The following FSD2 variants were observed in gnomAD, a reference collection of about 807,000 sequenced individuals.
FSD2 encodes the protein fibronectin type III and SPRY domain-containing protein 2.
FSD2 carries 71 observed loss-of-function variants against 80.4 expected under a neutral mutation model. The observed-to-expected ratio is 0.88, with a 90% CI of 0.73 to 1.08. The LOEUF (loss-of-function observed/expected upper bound fraction) is 1.08. Ranked by LOEUF, FSD2 falls within the 50% of genes least tolerant of loss-of-function variation. The pLI, the probability that FSD2 is intolerant of heterozygous loss-of-function variation, is 0.00. For synonymous variants in FSD2, 361 were observed against 329.5 expected, an observed-to-expected ratio of 1.10 and a Z score of -1.03; for missense variants, 923 against 913.8, an observed-to-expected ratio of 1.01 and a Z score of -0.13.
chr15:82,796,000 CTTTT>C (rs143711664), intron 1 of FSD2, among the ~76,000 whole-genome samples: 3 of 117,496 alleles, frequency 2.6e-5, no homozygotes, highest in Non-Finnish European at 5.1e-5. Flanking sequence ...TTTTTCTTTT[CTTTT>C]TTTTTTTTTT....
At chr15:82,771,624 T>C (rs2049574077) in intron 7 of FSD2, among the ~76,000 whole-genome samples, 1 of 152,240 alleles carries the variant, frequency 6.6e-6, no homozygotes, top group Non-Finnish European at 1.5e-5. Context: ...CCTTCCAGGC[T>C]GCAGAGGCCC....
chr15:82,801,689 T>C (rs1428512333), intron 1 of FSD2, among the ~76,000 whole-genome samples: 3 of 152,204 alleles, frequency 2.0e-5, no homozygotes, highest in African/African-American at 7.2e-5. Flanking sequence ...GAAACCTTAC[T>C]CCTGAGACTC....
At chr15:82,795,856 T>C (rs886724280) in intron 1 of FSD2, among the ~76,000 whole-genome samples, 2 of 150,278 alleles carry the variant, frequency 1.3e-5, no homozygotes, top group Non-Finnish European at 3.0e-5. Flanking sequence ...TATTAGATGA[T>C]AGGTGAGTTA....
intron 9 of FSD2, among the ~76,000 whole-genome samples, chr15:82,768,413 TTC>T (rs2049474015): frequency 6.6e-6 from 1 of 152,218 alleles, no homozygotes; most frequent in Non-Finnish European, 1.5e-5. Context: ...TCCACCACCA[TTC>T]TCTGTTTTAT....
At position 82,759,397 on chromosome 15, in the gene FSD2, A is replaced by G. The variant is rs1413193846; in HGVS notation, c.2201T>C (p.Leu734Pro). 1.2e-6 allele frequency: 2 copies of G among 1,613,768 alleles called. No homozygotes were observed. The highest frequency in any genetic ancestry group is 1.7e-6 in the Non-Finnish European group (2 of 1,179,786). ...PCFSLEKPGCLKVHNGISMPK... is the reference protein window; with the variant it reads ...PCFSLEKPGCPKVHNGISMPK... ...CATTGAAATGCCATTATGTACCTTT[A>G]GACACCCAGGCTTTTCCAAAGAAAA... The change falls in exon 13 of 13, where the codon CTA (leucine) becomes CCA (proline). Residue 734 changes from leucine to proline, a missense_variant. Leu to Pro is a moderately conservative substitution (Grantham distance 98, BLOSUM62 -3). Coordinates refer to ENST00000334574, the MANE Select transcript of FSD2 (RefSeq NM_001007122.4).
chr15:82,765,420 GCGT>G, intron 10 of FSD2, 122 bp from the exon 11 acceptor site: 8 of 1,270,088 alleles, frequency 6.3e-6, no homozygotes, highest in Non-Finnish European at 8.8e-6. Context: ...CTAGTAATAG[GCGT>G]CCAGTTAACA....
intron 6 of FSD2, among the ~76,000 whole-genome samples, chr15:82,773,715 A>T (rs2049643219): frequency 6.6e-6 from 1 of 152,170 alleles, no homozygotes. Context: ...AAGATCTATG[A>T]TTAAAGATTT....
intron 6 of FSD2, among the ~76,000 whole-genome samples, chr15:82,777,114 T>A (rs1288532771): frequency 6.6e-6 from 1 of 152,192 alleles, no homozygotes; most frequent in East Asian, 1.9e-4. Flanking sequence ...TGAAACTGTA[T>A]AACTTCTTAA....
chr15:82,781,765 T>G (rs1428680253), intron 4 of FSD2, among the ~76,000 whole-genome samples: 1 of 151,982 alleles, frequency 6.6e-6, no homozygotes, highest in African/African-American at 2.4e-5. Flanking sequence ...TGGAAAACTC[T>G]TAGAGCACTC....
In FSD2 at chr15:82,799,285, A is replaced by C. The variant is rs116021739; in HGVS notation, c.-79+6681T>G. On this transcript the variant is annotated intron_variant, in intron 1 of 12. Transcript: ENST00000334574. ...TGACTGCTCCATGCCATTCAATCCT[A>C]TTGACCCTTCTGTGTCCCCCGGCTC... 3.9e-5 allele frequency among the ~76,000 whole-genome samples: 6 copies of C among 152,116 alleles called. No individual in the cohort carries two copies. In the East Asian group the frequency reaches 1.2e-3, roughly 29 times the overall value.
chr15:82,774,491 A>G (rs572713222), intron 6 of FSD2, among the ~76,000 whole-genome samples: 1 of 152,324 alleles, frequency 6.6e-6, no homozygotes, highest in Non-Finnish European at 1.5e-5. Context: ...TTACAGATGA[A>G]GAAACCAAGA....
intron 4 of FSD2, among the ~76,000 whole-genome samples, chr15:82,781,623 T>G (rs987648355): frequency 3.9e-5 from 6 of 152,102 alleles, no homozygotes; most frequent in African/African-American, 1.4e-4. Context: ...AATTAGGAAA[T>G]GGATTTTTTT....
chr15:82,764,454 C>T (rs938354632), intron 11 of FSD2, among the ~76,000 whole-genome samples: 2 of 142,972 alleles, frequency 1.4e-5, no homozygotes, highest in Non-Finnish European at 3.0e-5. Context: ...CTTTCGTTTT[C>T]AATAAATCTC....
Position 82,765,200 on chromosome 15 carries a change from T to A in FSD2, c.1786A>T (p.Arg596Trp). 6.2e-7 allele frequency: 1 copy of A among 1,607,240 alleles called. No homozygotes were observed. Among genetic ancestry groups the A allele is most frequent in the Non-Finnish European group, 8.5e-7 (1 of 1,176,328 alleles). Residue 596 changes from arginine (R) to tryptophan (W), a missense_variant, in exon 11 of 13, where the codon AGG becomes TGG. Arg to Trp is a moderately radical substitution (Grantham distance 101). Transcript: ENST00000334574. ...AVRSERRTPA[R>W]ELSPSDTHFT... ...TGAGTGTCGCTGGGTGACAGCTCCC[T>A]GGCGGGGGTTCTCCTTTCACTTCGT...
In FSD2 at chr15:82,787,382, C is replaced by T. The variant is rs1186351074; in HGVS notation, c.9G>A (p.Glu3=). ME[E]ESGEELGLDR... ...CCAGCCCCAGTTCCTCCCCCGATTCCTCCTCCATTGTAACTCTGGAAGTCC... is the reference window on the plus strand; with the variant it reads ...CCAGCCCCAGTTCCTCCCCCGATTCTTCCTCCATTGTAACTCTGGAAGTCC... The change falls in exon 2 of 13, where the codon GAG becomes GAA. Residue 3 remains glutamate, a synonymous_variant. Coordinates refer to ENST00000334574, the MANE Select transcript of FSD2 (RefSeq NM_001007122.4). The T allele has an allele frequency of 6.2e-7, 1 of 1,604,130 alleles. No individual in the cohort carries two copies. Among genetic ancestry groups the T allele is most frequent in the South Asian group, 1.1e-5 (1 of 89,484 alleles).
chr15:82,798,873 G>GTTTTTTTTTTTTT (rs149986626), intron 1 of FSD2, among the ~76,000 whole-genome samples: 1 of 111,472 alleles, frequency 9.0e-6, no homozygotes, highest in Non-Finnish European at 1.7e-5. Context: ...TATCTCCACT[G>GTTTTTTTTTTTTT]TTTTGTTTTT....
chr15:82,783,911 A>G (rs1169372978), intron 3 of FSD2, among the ~76,000 whole-genome samples: 1 of 152,200 alleles, frequency 6.6e-6, no homozygotes, highest in African/African-American at 2.4e-5. Flanking sequence ...GGTTCTGACA[A>G]TATTAATCCA....
At chr15:82,788,274 T>C (rs1415763209) in intron 1 of FSD2, among the ~76,000 whole-genome samples, 1 of 151,146 alleles carries the variant, frequency 6.6e-6, no homozygotes, top group African/African-American at 2.4e-5. Flanking sequence ...GGCAGATGGA[T>C]TGCTTGAGCT....
Position 82,762,302 on chromosome 15 carries a change from G to A in FSD2, c.1821-24C>T, listed in dbSNP as rs187983291. The A allele has an allele frequency of 6.2e-6, 10 of 1,608,174 alleles. No homozygotes were observed. The African/African-American group carries it at 1.2e-4, about 19-fold the overall frequency. Reference sequence around the variant, plus strand: ...ACCTGGTTTTAGAAAGTGGAAGCATGTGTGATCTGGGGTGCCCCAAGCCTG... The same window carrying A: ...ACCTGGTTTTAGAAAGTGGAAGCATATGTGATCTGGGGTGCCCCAAGCCTG... On this transcript the variant is annotated intron_variant, in intron 11 of 12. Coordinates refer to ENST00000334574, the MANE Select transcript of FSD2 (RefSeq NM_001007122.4).
Sources: gnomAD v4.1 joint callset for allele counts (sites outside exome capture counted in the v4.1 genomes callset) on GRCh38, gnomAD v4.1.1 for gene constraint, MANE v1.5 for transcripts, NCBI Gene and HGNC (gene_info 2026-07-23, HGNC 2026-07-21) for gene names.